Variants in AKAP19 observed in about 807,000 individuals in gnomAD.
The protein encoded by AKAP19 is small A-kinase anchoring protein.
chr2:190,042,636 T>C, the AKAP19 span, among the ~76,000 whole-genome samples: 3 of 152,168 alleles, frequency 2.0e-5, no homozygotes, highest in Admixed American at 2.0e-4. Flanking sequence ...TCTTACTTTT[T>C]GATGTGGGCT....
the AKAP19 span, among the ~76,000 whole-genome samples, chr2:189,995,039 C>T: frequency 1.3e-5 from 2 of 152,056 alleles, no homozygotes; most frequent in Non-Finnish European, 2.9e-5. Context: ...GTTTTGTGGC[C>T]TATCATATGG....
the AKAP19 span, among the ~76,000 whole-genome samples, chr2:189,894,744 A>G: frequency 6.6e-6 from 1 of 151,310 alleles, no homozygotes; most frequent in Non-Finnish European, 1.5e-5. Flanking sequence ...TATATAAACA[A>G]TATTTCTTAT....
chr2:189,887,978 A>G, the AKAP19 span, among the ~76,000 whole-genome samples: 1 of 152,108 alleles, frequency 6.6e-6, no homozygotes, highest in Non-Finnish European at 1.5e-5. Flanking sequence ...CAATCTGTCA[A>G]TTTTGGCTTT....
At chr2:190,060,014 G>A in the AKAP19 span, 1 of 1,564,490 alleles carries the variant, frequency 6.4e-7, no homozygotes, top group East Asian at 2.2e-5. Flanking sequence ...TTCATATTAT[G>A]AATAAAAACA....
chr2:190,083,208 G>A, the AKAP19 span, among the ~76,000 whole-genome samples: 299 of 152,104 alleles, frequency 2.0e-3, 1 homozygote, highest in African/African-American at 6.7e-3. Flanking sequence ...GCAAAACCCC[G>A]TCTCTACTAA....
the AKAP19 span, among the ~76,000 whole-genome samples, chr2:189,894,147 C>A: frequency 6.6e-6 from 1 of 152,098 alleles, no homozygotes; most frequent in South Asian, 2.1e-4. Flanking sequence ...TCTTTAGATG[C>A]TGCTTTTAAA....
the AKAP19 span, among the ~76,000 whole-genome samples, chr2:190,075,908 T>C: frequency 6.6e-6 from 1 of 152,168 alleles, no homozygotes; most frequent in Non-Finnish European, 1.5e-5. Flanking sequence ...TTTTCTATCT[T>C]CTTTCAGATT....
chr2:189,976,463 C>T, the AKAP19 span, among the ~76,000 whole-genome samples: 1 of 152,204 alleles, frequency 6.6e-6, no homozygotes, highest in East Asian at 1.9e-4. Context: ...ATTCTCAGAT[C>T]TCCAGCTGCG....
chr2:190,084,449 A>T, the AKAP19 span, among the ~76,000 whole-genome samples: 1 of 152,160 alleles, frequency 6.6e-6, no homozygotes, highest in Non-Finnish European at 1.5e-5. Flanking sequence ...CTGGTTTGAG[A>T]CCACTGATGG....
At chr2:189,979,068 T>TAA in the AKAP19 span, among the ~76,000 whole-genome samples, 2 of 143,962 alleles carry the variant, frequency 1.4e-5, no homozygotes. Context: ...TTCACAGAAG[T>TAA]AAAAAAAAAA....
the AKAP19 span, among the ~76,000 whole-genome samples, chr2:189,902,612 A>C: frequency 1.3e-5 from 2 of 152,198 alleles, no homozygotes; most frequent in Non-Finnish European, 2.9e-5. Context: ...CAGTATTAAA[A>C]GTATTACATG....
At chr2:189,994,135 C>G in the AKAP19 span, among the ~76,000 whole-genome samples, 2 of 151,742 alleles carry the variant, frequency 1.3e-5, no homozygotes, top group African/African-American at 4.8e-5. Context: ...CTCAGCCTCC[C>G]AAGTAGCTGT....
At chr2:190,198,426 A>G in the AKAP19 span, among the ~76,000 whole-genome samples, 1 of 151,934 alleles carries the variant, frequency 6.6e-6, no homozygotes, top group African/African-American at 2.4e-5. Context: ...AGATCACTTG[A>G]CCCCGGGAGT....
chr2:189,909,615 A>G, the AKAP19 span, among the ~76,000 whole-genome samples: 46 of 152,072 alleles, frequency 3.0e-4, no homozygotes, highest in Admixed American at 2.0e-3. Flanking sequence ...CATTGCATAC[A>G]AAAACACTAT....
chr2:189,950,480 A>T, the AKAP19 span, among the ~76,000 whole-genome samples: 1 of 151,900 alleles, frequency 6.6e-6, no homozygotes, highest in African/African-American at 2.4e-5. Flanking sequence ...CTACCTTCAG[A>T]CCAGGCTTAT....
At chr2:190,103,305 A>C in the AKAP19 span, among the ~76,000 whole-genome samples, 1 of 152,062 alleles carries the variant, frequency 6.6e-6, no homozygotes, top group African/African-American at 2.4e-5. Context: ...TACTCTCACC[A>C]CTCCTACTCA....
At chr2:189,967,304 A>C in the AKAP19 span, among the ~76,000 whole-genome samples, 2 of 152,196 alleles carry the variant, frequency 1.3e-5, no homozygotes, top group African/African-American at 4.8e-5. Flanking sequence ...CTAGGTTGTC[A>C]TTTTGAACTA....
At chr2:189,926,585 C>CT in the AKAP19 span, among the ~76,000 whole-genome samples, 3,431 of 72,394 alleles carry the variant, frequency 0.047, 338 homozygotes, top group African/African-American at 0.16. Flanking sequence ...CGCGCCCGGC[C>CT]TTTTTTTTTT....
At chr2:190,001,335 T>C in the AKAP19 span, among the ~76,000 whole-genome samples, 1 of 152,180 alleles carries the variant, frequency 6.6e-6, no homozygotes, top group East Asian at 1.9e-4. Flanking sequence ...ATACTCAGTT[T>C]CTATTAACGG....
Sources: allele counts gnomAD v4.1 joint callset (sites outside exome capture counted in the v4.1 genomes callset), GRCh38; gene constraint gnomAD v4.1.1; transcripts MANE v1.5; gene names NCBI Gene and HGNC (gene_info 2026-07-23, HGNC 2026-07-21).